ART1: variants seen among roughly 807,000 people sequenced by gnomAD.
The protein encoded by ART1 is ADP-ribosyltransferase 1, also known as GPI-linked NAD(P)(+)--arginine ADP-ribosyltransferase 1.
In ART1, 29 loss-of-function variants were observed where a neutral mutation model predicts 27.0. The ratio of observed to expected loss-of-function variants is 1.08; its 90% CI spans 0.80 to 1.47. The LOEUF is 1.47. Ranked by LOEUF, ART1 falls within the 40% of genes most tolerant of loss-of-function variation. The pLI is 0.00. For missense variants in ART1, 480 were observed against 423.0 expected (o/e 1.13, Z -1.18); for synonymous variants, 201 against 172.2 (o/e 1.17, Z -1.31).
intron 4 of ART1, among the ~76,000 whole-genome samples, chr11:3,663,066 ATC>A (rs756770743): frequency 4.2e-5 from 5 of 118,862 alleles, no homozygotes; most frequent in African/African-American, 1.1e-4. Flanking sequence ...ATCTCATCTC[ATC>A]TCATCTCATC....
At chr11:3,662,643 G>A (rs889212264) in intron 4 of ART1, among the ~76,000 whole-genome samples, 3 of 152,150 alleles carry the variant, frequency 2.0e-5, no homozygotes, top group African/African-American at 4.8e-5. Flanking sequence ...TCAGGAGTTC[G>A]AGACCAGCCT....
chr11:3,652,713 C>G (rs2077534634), intron 1 of ART1, among the ~76,000 whole-genome samples: 1 of 151,724 alleles, frequency 6.6e-6, no homozygotes, highest in Non-Finnish European at 1.5e-5. Context: ...TCACCATTCT[C>G]AACTACTCAT....
At chr11:3,659,371 C>A in intron 2 of ART1, 95 bp downstream of exon 2, 2 of 1,542,710 alleles carry the variant, frequency 1.3e-6, no homozygotes, top group South Asian at 1.1e-5. Flanking sequence ...GGAAAGAATG[C>A]CCGACGCTTC....
chr11:3,660,461 A>T lies in ART1; in HGVS notation c.844+98A>T, dbSNP rs1237203796. 1.5e-5 allele frequency: 21 copies of T among 1,363,446 alleles called. No individual in the cohort carries two copies. The Admixed American group carries it at 4.8e-4, about 31-fold the overall frequency. The allele number at this position is 1,363,446 out of a possible 1,614,324, so 84.5% of individuals were successfully genotyped here. A position where few individuals can be genotyped will look rare whatever the true frequency, so the allele number is the denominator to read the frequency against. ...CCGAAGCCCCTATCTCCTGTGTCCC[A>T]GGGATACATAAATACAAGTCATATC... On this transcript the variant is annotated intron_variant, in intron 3 of 4. Coordinates refer to ENST00000250693, the MANE Select transcript of ART1 (RefSeq NM_004314.3).
chr11:3,655,411 A>G (rs914262903), intron 1 of ART1: 2 of 152,196 alleles, frequency 1.3e-5, no homozygotes, highest in Middle Eastern at 3.2e-3. Context: ...ATGGGACAGG[A>G]AGTCTGACTT....
intron 1 of ART1, among the ~76,000 whole-genome samples, chr11:3,650,070 AAT>A (rs2077507159): frequency 6.6e-6 from 1 of 152,212 alleles, no homozygotes; most frequent in Admixed American, 6.5e-5. Flanking sequence ...GCCAAGTAGC[AAT>A]GTATTTCTGA....
At chr11:3,662,591 T>G (rs1455965256) in intron 4 of ART1, among the ~76,000 whole-genome samples, 2 of 152,194 alleles carry the variant, frequency 1.3e-5, no homozygotes, top group Non-Finnish European at 2.9e-5. Context: ...ACGCCTGTAA[T>G]CCCAGCACTT....
intron 1 of ART1, among the ~76,000 whole-genome samples, chr11:3,653,620 C>T (rs1044420010): frequency 2.0e-5 from 3 of 152,186 alleles, no homozygotes; most frequent in Non-Finnish European, 4.4e-5. Flanking sequence ...GTGGTCTCTT[C>T]ACACGGACGC....
intron 4 of ART1, among the ~76,000 whole-genome samples, chr11:3,661,680 T>C (rs980378813): frequency 9.2e-5 from 14 of 151,918 alleles, no homozygotes; most frequent in African/African-American, 3.4e-4. Flanking sequence ...GTATTTTTAG[T>C]AGAGATGGGG....
intron 3 of ART1, among the ~76,000 whole-genome samples, chr11:3,661,100 G>A (rs370592950): frequency 2.6e-5 from 4 of 152,326 alleles, no homozygotes; most frequent in African/African-American, 7.2e-5. Context: ...AGAGGGAGAG[G>A]TGAGTGTGGC....
At chr11:3,652,053 T>A (rs974986911) in intron 1 of ART1, among the ~76,000 whole-genome samples, 3 of 151,598 alleles carry the variant, frequency 2.0e-5, no homozygotes, top group African/African-American at 7.3e-5. Flanking sequence ...AAATAACTTC[T>A]CAGTGTTCCA....
At chr11:3,652,174 G>T (rs2077528511) in intron 1 of ART1, among the ~76,000 whole-genome samples, 2 of 150,484 alleles carry the variant, frequency 1.3e-5, no homozygotes, top group Non-Finnish European at 2.9e-5. Flanking sequence ...TACTCAACAT[G>T]CCCTGAGTCA....
At chr11:3,659,129 T>C in intron 1 of ART1, 33 bp from the exon 2 acceptor site, 1 of 1,312,152 alleles carries the variant, frequency 7.6e-7, no homozygotes, top group South Asian at 1.2e-5. Context: ...TCATGTTTAT[T>C]AAACTATACA....
rs201626362 is a variant in ART1 at position 3,652,597 on chromosome 11, C to A, written c.-52-6565C>A. 8.5e-5 allele frequency among the ~76,000 whole-genome samples: 13 copies of A among 152,276 alleles called. No individual in the cohort carries two copies. In the East Asian group the frequency reaches 2.3e-3, roughly 27 times the overall value. On this transcript the variant is annotated intron_variant, in intron 1 of 4. Coordinates refer to ENST00000250693, the MANE Select transcript of ART1 (RefSeq NM_004314.3). ...GCCCATTTGAGCTCCTGTATAGACG[C>A]TCCTTTTTATTAGGCCCCAGTCTAA...
At chr11:3,651,272 G>T (rs1565039701) in intron 1 of ART1, among the ~76,000 whole-genome samples, 1 of 149,086 alleles carries the variant, frequency 6.7e-6, no homozygotes, top group Non-Finnish European at 1.5e-5. Context: ...CACCCATTAG[G>T]CTCAGCAAAT....
intron 1 of ART1, among the ~76,000 whole-genome samples, chr11:3,649,792 G>A (rs576098759): frequency 6.6e-5 from 10 of 152,150 alleles, no homozygotes; most frequent in Non-Finnish European, 1.0e-4. Context: ...TTCTTTATCC[G>A]ACCTCTCCCG....
chr11:3,651,772 G>T (rs1200942539), intron 1 of ART1, among the ~76,000 whole-genome samples: 1 of 151,400 alleles, frequency 6.6e-6, no homozygotes, highest in Non-Finnish European at 1.5e-5. Context: ...ATTGTTCCTG[G>T]CCCGGACTTC....
chr11:3,651,985 C>T (rs192813670), intron 1 of ART1, among the ~76,000 whole-genome samples: 1,913 of 151,728 alleles, frequency 0.013, 26 homozygotes, highest in Non-Finnish European at 0.023. Context: ...GAACAAGCCA[C>T]CAGCCCGCCT....
intron 1 of ART1, among the ~76,000 whole-genome samples, chr11:3,646,420 C>T (rs2077470275): frequency 6.6e-6 from 1 of 152,092 alleles, no homozygotes; most frequent in Non-Finnish European, 1.5e-5. Flanking sequence ...ACCCAGGGGA[C>T]CATCATGGGT....
Sources: gnomAD v4.1 joint callset for allele counts (sites outside exome capture counted in the v4.1 genomes callset) on GRCh38, gnomAD v4.1.1 for gene constraint, MANE v1.5 for transcripts, NCBI Gene and HGNC (gene_info 2026-07-23, HGNC 2026-07-21) for gene names.